Variants in SLC7A11 observed in about 807,000 individuals in gnomAD.
SLC7A11 encodes the protein solute carrier family 7 member 11, also known as cystine/glutamate transporter.
In SLC7A11, 35 loss-of-function variants were observed where a neutral mutation model predicts 54.5. The ratio of observed to expected loss-of-function variants is 0.64; its 90% CI spans 0.49 to 0.85. The LOEUF is 0.85. SLC7A11 is among the 40% of genes least tolerant of loss of function. The pLI is 0.00. For missense variants in SLC7A11, 583 were observed against 618.1 expected (o/e 0.94, Z 0.60); for synonymous variants, 230 against 225.2 (o/e 1.02, Z -0.19).
intron 3 of SLC7A11, among the ~76,000 whole-genome samples, chr4:138,224,656 C>A (rs1043599458): frequency 1.3e-5 from 2 of 151,932 alleles, no homozygotes; most frequent in African/African-American, 4.8e-5. Context: ...TAAGGTATAT[C>A]ATTTTAATAG....
rs750795097 is a variant in SLC7A11, at chr4:138,232,295, C to T, written c.492G>A (p.Ala164=). ...TGCCCACAGCTGTAATGAGCTTGAT[C>T]GCAAGTTCAGGGATTTCACATTGAA... The part of the protein sequence containing the change: ...FFIQCEIPEL[A]IKLITAVGIT... Residue 164 remains alanine, a synonymous_variant, in exon 3 of 12, where the codon GCG becomes GCA. Transcript: ENST00000280612. 1.1e-5 allele frequency: 18 copies of T among 1,611,596 alleles called. No individual in the cohort carries two copies. The highest frequency in any genetic ancestry group is 1.2e-5 in the Non-Finnish European group (14 of 1,177,964).
Position 138,241,825 on chromosome 4 carries a change from A to T in SLC7A11, c.245T>A (p.Ile82Asn), listed in dbSNP as rs754415590. The change falls in exon 1 of 12, where the codon ATC becomes AAC. Residue 82 changes from isoleucine (I) to asparagine (N), a missense_variant. By Grantham distance (149) the Ile-to-Asn change is moderately radical (BLOSUM62 -3). Coordinates refer to ENST00000280612, the MANE Select transcript of SLC7A11 (RefSeq NM_014331.4). ...TGACAGGACCCCACACACCGTCCAG[A>T]TGGTCAGAGACATGCCCACGCTGCC... ...NTGSVGMSLTIWTVCGVLSLF... is the reference protein window; with the variant it reads ...NTGSVGMSLTNWTVCGVLSLF... 3.1e-6 allele frequency: 5 copies of T among 1,614,106 alleles called. No individual in the cohort carries two copies. Among genetic ancestry groups the T allele is most frequent in the Non-Finnish European group, 3.4e-6 (4 of 1,180,002 alleles).
intron 9 of SLC7A11, among the ~76,000 whole-genome samples, chr4:138,180,993 A>C (rs1489615234): frequency 7.9e-4 from 120 of 152,126 alleles, no homozygotes; most frequent in Admixed American, 7.9e-3. Context: ...ACAGTATGAG[A>C]GTGATATGGC....
At chr4:138,196,622 C>CT (rs964446783) in intron 6 of SLC7A11, among the ~76,000 whole-genome samples, 19 of 151,194 alleles carry the variant, frequency 1.3e-4, no homozygotes, top group Admixed American at 1.1e-3. Context: ...TTGATGTTGC[C>CT]TTTTTTTAAT....
chr4:138,210,374 A>G (rs1371870135), intron 6 of SLC7A11, among the ~76,000 whole-genome samples: 1 of 152,078 alleles, frequency 6.6e-6, no homozygotes, highest in Non-Finnish European at 1.5e-5. Flanking sequence ...CAATTGCAAC[A>G]AAAACAAAAA....
chr4:138,203,823 C>A (rs1053310311), intron 6 of SLC7A11, among the ~76,000 whole-genome samples: 1 of 151,352 alleles, frequency 6.6e-6, no homozygotes, highest in Non-Finnish European at 1.5e-5. Context: ...AAACTTGCAA[C>A]AGTTTTCCCA....
At chr4:138,216,461 G>T (rs1314474997) in intron 5 of SLC7A11, among the ~76,000 whole-genome samples, 1 of 152,136 alleles carries the variant, frequency 6.6e-6, no homozygotes, top group South Asian at 2.1e-4. Context: ...AGGGCCACAA[G>T]GGGGACTGGC....
intron 4 of SLC7A11, among the ~76,000 whole-genome samples, chr4:138,221,623 G>GCC (rs1737814826): frequency 6.6e-6 from 1 of 152,132 alleles, no homozygotes; most frequent in Non-Finnish European, 1.5e-5. Flanking sequence ...ATTGATTAAA[G>GCC]TGTCTCTGTA....
chr4:138,185,228 T>C lies in SLC7A11; in HGVS notation c.808A>G (p.Ile270Val). The C allele has an allele frequency of 2.5e-6, 4 of 1,612,766 alleles. No individual in the cohort carries two copies. Among genetic ancestry groups the C allele is most frequent in the East Asian group, 2.2e-5 (1 of 44,810 alleles). ...GTGACAATGGCCATGGATATACATA[T>C]TGCAAGGGGAATGGTTCTGAAATGC... ...ENPEKTIPLA[I>V]CISMAIVTIG... The change falls in exon 7 of 12, where the codon ATA becomes GTA. Residue 270 changes from isoleucine to valine, a missense_variant. Coordinates refer to ENST00000280612, the MANE Select transcript of SLC7A11 (RefSeq NM_014331.4).
rs1196905860 is a variant in SLC7A11 at position 138,240,427 on chromosome 4, C to T, written c.277+1366G>A. On this transcript the variant is annotated intron_variant, in intron 1 of 11. Coordinates refer to ENST00000280612, the MANE Select transcript of SLC7A11 (RefSeq NM_014331.4). ...TAAAAAATACGAAAAATAAGCCCAA[C>T]GTGGTGGCACACACCTGTAGTCCCA... Among the ~76,000 whole-genome samples, 7 of 152,012 alleles carry T rather than the reference C, an allele frequency of 4.6e-5. No individual in the cohort carries two copies. In the South Asian group the frequency reaches 1.2e-3, roughly 27 times the overall value.
intron 6 of SLC7A11, among the ~76,000 whole-genome samples, chr4:138,187,543 AC>A (rs1736907931): frequency 6.6e-6 from 1 of 152,172 alleles, no homozygotes; most frequent in Non-Finnish European, 1.5e-5. Flanking sequence ...GGGCATTTGG[AC>A]CACCAAAGTG....
rs1291780717 is a variant in SLC7A11 at position 138,179,263 on chromosome 4, G to C, written c.1398C>G (p.Leu466=). The change falls in exon 11 of 12, where the codon CTC becomes CTG. Residue 466 remains leucine, a synonymous_variant. Transcript: ENST00000280612. ...TGGGTTTCTTGTCCCATATAATAAA[G>C]AGATAATACGCAGGGACTCCAGTCA... ...ITLTGVPAYY[L]FIIWDKKPRW... is the part of the protein sequence containing the mutation. 1.2e-6 allele frequency: 2 copies of C among 1,612,356 alleles called. No homozygotes were observed. The highest frequency in any genetic ancestry group is 1.7e-6 in the Non-Finnish European group (2 of 1,178,760).
chr4:138,212,373 C>A (rs185666919), intron 6 of SLC7A11, among the ~76,000 whole-genome samples: 2 of 151,664 alleles, frequency 1.3e-5, no homozygotes, highest in African/African-American at 4.8e-5. Flanking sequence ...GACAACCAAA[C>A]AATTATGTAG....
chr4:138,170,654 A>G lies in SLC7A11; in HGVS notation c.*1302T>C, dbSNP rs902754162. The G allele has an allele frequency of 5.9e-5, 9 of 152,048 alleles. No homozygotes were observed. Among genetic ancestry groups the G allele is most frequent in the African/African-American group, 2.2e-4 (9 of 41,412 alleles). 9.4% of individuals were successfully genotyped at this position (152,048 alleles called of 1,614,324 possible). On this transcript the variant is annotated 3_prime_UTR_variant, in exon 12 of 12. Coordinates refer to ENST00000280612, the MANE Select transcript of SLC7A11 (RefSeq NM_014331.4). ...ATACTGGCAAAACAACATCTTCTGA[A>G]CACAAACACTTATCCACAGATTCTC... is the stretch of plus-strand genomic sequence containing the variant.
chr4:138,198,661 A>T (rs1397411760), intron 6 of SLC7A11, among the ~76,000 whole-genome samples: 1 of 152,174 alleles, frequency 6.6e-6, no homozygotes, highest in Admixed American at 6.6e-5. Context: ...GTTGCCTTTG[A>T]CACAGCAATT....
intron 6 of SLC7A11, among the ~76,000 whole-genome samples, chr4:138,209,055 A>G (rs912065106): frequency 6.6e-6 from 1 of 152,072 alleles, no homozygotes; most frequent in Admixed American, 6.6e-5. Context: ...AGATAATTTG[A>G]AAGATGTCTC....
At position 138,180,673 on chromosome 4, in the gene SLC7A11, A is replaced by G. The variant is rs959344766; in HGVS notation, c.1234T>C (p.Tyr412His). The G allele has an allele frequency of 3.7e-6, 6 of 1,612,898 alleles. No homozygotes were observed. The highest frequency in any genetic ancestry group is 5.1e-6 in the Non-Finnish European group (6 of 1,179,404). ...GGACGATGCATATCTGGGCATTTGT[A>G]TCGAAGATAAATCAGCCCAGCAACT... ...LAVAGLIYLR[Y>H]KCPDMHRPFK... The change falls in exon 10 of 12, where the codon TAC becomes CAC. Residue 412 changes from tyrosine (Y) to histidine (H), a missense_variant. Coordinates refer to ENST00000280612, the MANE Select transcript of SLC7A11 (RefSeq NM_014331.4).
At chr4:138,236,597 C>T (rs1171797736) in intron 1 of SLC7A11, 146 bp from the exon 2 acceptor site, 19 of 717,442 alleles carry the variant, frequency 2.6e-5, no homozygotes, top group Non-Finnish European at 4.3e-5. Flanking sequence ...AGACAAATAA[C>T]CATCATCTAA....
intron 11 of SLC7A11, among the ~76,000 whole-genome samples, chr4:138,174,140 C>T (rs1736506555): frequency 6.6e-6 from 1 of 152,176 alleles, no homozygotes; most frequent in Non-Finnish European, 1.5e-5. Context: ...GACTGCCCTC[C>T]ACACCCAACA....
Sources: gnomAD v4.1 joint callset for allele counts (sites outside exome capture counted in the v4.1 genomes callset) on GRCh38, gnomAD v4.1.1 for gene constraint, MANE v1.5 for transcripts, NCBI Gene and HGNC (gene_info 2026-07-23, HGNC 2026-07-21) for gene names.